Variants in MALT1 observed in about 807,000 individuals in gnomAD.
MALT1 encodes the protein mucosa-associated lymphoid tissue lymphoma translocation protein 1.
In MALT1, 36 loss-of-function variants were observed where a neutral mutation model predicts 85.5. The observed-to-expected ratio is 0.42, with a 90% CI of 0.32 to 0.56. MALT1 has a LOEUF of 0.56. MALT1 is among the 20% of genes least tolerant of loss of function. The pLI is 0.10. For synonymous variants in MALT1, 359 were observed against 361.3 expected (o/e 0.99, Z 0.07); for missense variants, 716 against 981.6 (o/e 0.73, Z 3.62).
chr18:58,727,782 G>A (rs2055085436), intron 10 of MALT1, among the ~76,000 whole-genome samples: 1 of 152,130 alleles, frequency 6.6e-6, no homozygotes, highest in Admixed American at 6.6e-5. Context: ...ATATAGCACA[G>A]TAGCGAGGCT....
intron 2 of MALT1, chr18:58,690,228 T>C (rs1216979150): frequency 6.6e-6 from 1 of 152,366 alleles, no homozygotes; most frequent in Non-Finnish European, 1.5e-5. Context: ...TGGTGATCTG[T>C]GATCGGTGAT....
At chr18:58,691,784 A>G (rs1337352440) in intron 2 of MALT1, among the ~76,000 whole-genome samples, 1 of 151,882 alleles carries the variant, frequency 6.6e-6, no homozygotes. Context: ...GAGGCAGGAG[A>G]ATGGCATGAA....
Position 58,671,856 on chromosome 18 carries a change from A to G in MALT1, c.209+4A>G, listed in dbSNP as rs1418604119. 24 of 1,218,372 alleles carry G rather than the reference A, an allele frequency of 2.0e-5. No individual in the cohort carries two copies. Among genetic ancestry groups the G allele is most frequent in the Non-Finnish European group, 2.2e-5 (22 of 979,648 alleles). 75.5% of individuals were successfully genotyped at this position (1,218,372 alleles called of 1,614,324 possible). A position where few individuals can be genotyped will look rare whatever the true frequency, so the allele number is the denominator to read the frequency against. On this transcript the variant is annotated splice_donor_region_variant and intron_variant, in intron 1 of 16. Coordinates refer to ENST00000649217, the MANE Select transcript of MALT1 (RefSeq NM_006785.4). Reference sequence around the variant, plus strand: ...GTCGCGGGCGCCTCCGCCTCAGGTGAGCTCAGGGCCGCGGCAGGCCGGGCG... The same window carrying G: ...GTCGCGGGCGCCTCCGCCTCAGGTGGGCTCAGGGCCGCGGCAGGCCGGGCG...
chr18:58,677,322 A>G (rs1161407149), intron 1 of MALT1, among the ~76,000 whole-genome samples: 2 of 152,176 alleles, frequency 1.3e-5, no homozygotes, highest in African/African-American at 4.8e-5. Context: ...TTTTCTCTAT[A>G]TCAATATAGA....
intron 1 of MALT1, 95 bp downstream of exon 1, chr18:58,671,947 G>A (rs1207715065): frequency 2.3e-6 from 2 of 854,982 alleles, no homozygotes; most frequent in African/African-American, 1.8e-5. Flanking sequence ...TGAGCGCGGC[G>A]GGGGCCGCCG....
chr18:58,723,966 G>A (rs1404086204), intron 10 of MALT1, among the ~76,000 whole-genome samples: 1 of 152,148 alleles, frequency 6.6e-6, no homozygotes, highest in Non-Finnish European at 1.5e-5. Context: ...CAGCTGTTGA[G>A]CTCATCTGAA....
At chr18:58,695,237 G>C (rs1217081234) in intron 2 of MALT1, among the ~76,000 whole-genome samples, 2 of 152,178 alleles carry the variant, frequency 1.3e-5, no homozygotes, top group East Asian at 3.8e-4. Flanking sequence ...CCTTTATCAG[G>C]AGTGTGAAAC....
At chr18:58,686,670 C>G (rs1253423749) in intron 2 of MALT1, among the ~76,000 whole-genome samples, 2 of 152,200 alleles carry the variant, frequency 1.3e-5, no homozygotes, top group African/African-American at 4.8e-5. Context: ...TTTGCCTCTA[C>G]TCCTTTTTTA....
intron 4 of MALT1, among the ~76,000 whole-genome samples, chr18:58,701,008 G>A (rs374518514): frequency 2.0e-5 from 3 of 151,990 alleles, no homozygotes; most frequent in East Asian, 1.9e-4. Flanking sequence ...GGCCAGGCTG[G>A]TCTTGAACTC....
At chr18:58,723,977 C>T (rs1446782366) in intron 10 of MALT1, among the ~76,000 whole-genome samples, 1 of 152,148 alleles carries the variant, frequency 6.6e-6, no homozygotes, top group African/African-American at 2.4e-5. Context: ...CTCATCTGAA[C>T]CGTGTTTTGC....
At chr18:58,743,317 A>C (rs187944185) in intron 14 of MALT1, among the ~76,000 whole-genome samples, 8 of 152,354 alleles carry the variant, frequency 5.3e-5, no homozygotes, top group Admixed American at 5.2e-4. Flanking sequence ...CGGAGTTTGC[A>C]GTAAGCTGAG....
At chr18:58,697,801 C>T (rs942760085) in intron 3 of MALT1, among the ~76,000 whole-genome samples, 14 of 152,274 alleles carry the variant, frequency 9.2e-5, no homozygotes, top group African/African-American at 3.1e-4. Context: ...GAGATGTTTA[C>T]TTAACAAGTG....
intron 2 of MALT1, among the ~76,000 whole-genome samples, chr18:58,685,591 G>A (rs2054389756): frequency 6.6e-6 from 1 of 152,198 alleles, no homozygotes; most frequent in Non-Finnish European, 1.5e-5. Flanking sequence ...TGTAGTCTGA[G>A]TGTAAACTCA....
intron 3 of MALT1, among the ~76,000 whole-genome samples, chr18:58,699,594 T>C (rs1344180400): frequency 2.0e-5 from 3 of 152,250 alleles, no homozygotes; most frequent in African/African-American, 7.2e-5. Flanking sequence ...TTGCATTGTA[T>C]ACTTAAAAGT....
intron 13 of MALT1, among the ~76,000 whole-genome samples, 180 bp downstream of exon 13, chr18:58,735,509 G>A (rs2055211290): frequency 6.6e-6 from 1 of 152,096 alleles, no homozygotes; most frequent in Admixed American, 6.5e-5. Context: ...GCTATTTAAT[G>A]TCATCTTTCC....
At chr18:58,679,751 G>A (rs1477161328) in intron 1 of MALT1, among the ~76,000 whole-genome samples, 1 of 152,114 alleles carries the variant, frequency 6.6e-6, no homozygotes, top group African/African-American at 2.4e-5. Context: ...GCTTCACCAT[G>A]TTGGCCAGGC....
At chr18:58,745,904 C>A in intron 16 of MALT1, 113 bp downstream of exon 16, 1 of 941,542 alleles carries the variant, frequency 1.1e-6, no homozygotes, top group Non-Finnish European at 1.6e-6. Context: ...GATAACCAGT[C>A]TACAGAAGGT....
At chr18:58,696,336 A>G (rs200158868) in intron 2 of MALT1, 30 bp from the exon 3 acceptor site, 43 of 1,166,848 alleles carry the variant, frequency 3.7e-5, no homozygotes, top group Non-Finnish European at 4.6e-5. Flanking sequence ...TTGTGACTTT[A>G]ATTTTTTTTT....
At chr18:58,739,142 G>A (rs547261882) in intron 13 of MALT1, among the ~76,000 whole-genome samples, 1 of 152,144 alleles carries the variant, frequency 6.6e-6, no homozygotes, top group African/African-American at 2.4e-5. Flanking sequence ...TTTATAGATA[G>A]TCTAACATTA....
Sources: gnomAD v4.1 joint callset for allele counts (sites outside exome capture counted in the v4.1 genomes callset) on GRCh38, gnomAD v4.1.1 for gene constraint, MANE v1.5 for transcripts, NCBI Gene and HGNC (gene_info 2026-07-23, HGNC 2026-07-21) for gene names.